The following SNCAIP variants were observed in gnomAD, a reference collection of about 807,000 sequenced individuals.
SNCAIP encodes synuclein alpha interacting protein.
SNCAIP carries 43 observed loss-of-function variants against 86.7 expected under a neutral mutation model. The ratio of observed to expected loss-of-function variants is 0.50; its 90% CI spans 0.39 to 0.64. SNCAIP has a LOEUF of 0.64. Among genes scored for constraint, SNCAIP ranks in the 30% least tolerant of loss-of-function variants. The pLI, the probability that SNCAIP is intolerant of heterozygous loss-of-function variation, is 0.00. For missense variants in SNCAIP, 981 were observed against 1,103.1 expected, an observed-to-expected ratio of 0.89 and a Z score of 1.57; for synonymous variants, 417 against 427.2, an observed-to-expected ratio of 0.98 and a Z score of 0.29.
rs563102808 is a variant in SNCAIP, at chr5:122,421,981, A to G, written c.131-887A>G. Among the ~76,000 whole-genome samples the G allele has an allele frequency of 4.0e-5, 6 of 149,078 alleles. No individual in the cohort carries two copies. The East Asian group carries it at 1.0e-3, about 25-fold the overall frequency. ...TTACTCAAATGCAAACCAACACACA[A>G]TCTTTATCCAAACTTTGCACAGAAA... On this transcript the variant is annotated intron_variant, in intron 3 of 10. Transcript: ENST00000261368.
At chr5:122,318,032 C>T (rs1440759527) in intron 1 of SNCAIP, among the ~76,000 whole-genome samples, 1 of 152,018 alleles carries the variant, frequency 6.6e-6, no homozygotes, top group Non-Finnish European at 1.5e-5. Flanking sequence ...TGCTAAGAAC[C>T]ATTCCAAACC....
chr5:122,394,818 G>A (rs1027637264), intron 2 of SNCAIP, among the ~76,000 whole-genome samples: 17 of 152,146 alleles, frequency 1.1e-4, no homozygotes, highest in Middle Eastern at 3.2e-3. Context: ...TGGCCGTGCC[G>A]CACACTGAGA....
At chr5:122,414,181 T>C (rs540199412) in intron 3 of SNCAIP, among the ~76,000 whole-genome samples, 1 of 152,086 alleles carries the variant, frequency 6.6e-6, no homozygotes, top group Non-Finnish European at 1.5e-5. Flanking sequence ...AGCACTGAGA[T>C]GACAGGTCTG....
intron 2 of SNCAIP, among the ~76,000 whole-genome samples, chr5:122,394,848 A>G (rs1770250448): frequency 6.6e-6 from 1 of 152,206 alleles, no homozygotes. Context: ...TAACTAAGTT[A>G]TCTTGTTCAA....
chr5:122,443,886 T>G (rs191317007), intron 7 of SNCAIP, among the ~76,000 whole-genome samples: 1 of 152,140 alleles, frequency 6.6e-6, no homozygotes, highest in Admixed American at 6.5e-5. Flanking sequence ...CCCATACAGT[T>G]CTCTCCACCT....
chr5:122,451,210 C>G lies in SNCAIP; in HGVS notation c.2363C>G (p.Ala788Gly). 6.2e-7 allele frequency: 1 copy of G among 1,614,140 alleles called. No homozygotes were observed. Among genetic ancestry groups the G allele is most frequent in the Non-Finnish European group, 8.5e-7 (1 of 1,180,018 alleles). The change falls in exon 10 of 11, where the codon GCC becomes GGC. Residue 788 changes from alanine to glycine, a missense_variant. By Grantham distance (60) the Ala-to-Gly change is moderately conservative. Transcript: ENST00000261368. ...CAGCCCAGCCCTGACAGTACTGCTG[C>G]CCAGAAAGTTGCCACAAGTCCCAAG... ...PQQPSPDSTA[A>G]QKVATSPKSA... is the part of the protein sequence containing the mutation.
chr5:122,398,018 A>G (rs1770984370), intron 2 of SNCAIP, among the ~76,000 whole-genome samples: 1 of 152,162 alleles, frequency 6.6e-6, no homozygotes, highest in African/African-American at 2.4e-5. Flanking sequence ...CCTAGTAAGC[A>G]CAGTATCTAT....
chr5:122,415,008 A>G (rs187046877), intron 3 of SNCAIP, among the ~76,000 whole-genome samples: 9 of 152,392 alleles, frequency 5.9e-5, no homozygotes, highest in Non-Finnish European at 1.3e-4. Flanking sequence ...AGGACATTTT[A>G]GGAAAATTCC....
intron 10 of SNCAIP, among the ~76,000 whole-genome samples, chr5:122,455,370 G>A (rs146039487): frequency 1.3e-5 from 2 of 152,308 alleles, no homozygotes; most frequent in Non-Finnish European, 2.9e-5. Flanking sequence ...ACCTAGGCTT[G>A]CCTAATTTTG....
At position 122,440,051 on chromosome 5, in the gene SNCAIP, C is replaced by T. The variant is rs1480243569; in HGVS notation, c.1297-578C>T. Among the ~76,000 whole-genome samples the T allele has an allele frequency of 4.6e-5, 7 of 152,258 alleles. No individual in the cohort carries two copies. In the East Asian group the frequency reaches 9.7e-4, roughly 21 times the overall value. On this transcript the variant is annotated intron_variant, in intron 6 of 10. Coordinates refer to ENST00000261368, the MANE Select transcript of SNCAIP (RefSeq NM_005460.4). Reference sequence around the variant, plus strand: ...CACTTGGTCAGAAAATCAAGAGGGTCCTGGTTTTATTTCAATGAACTTATC... The same window carrying T: ...CACTTGGTCAGAAAATCAAGAGGGTTCTGGTTTTATTTCAATGAACTTATC...
At chr5:122,377,682 C>T (rs1765655633) in intron 1 of SNCAIP, among the ~76,000 whole-genome samples, 1 of 119,798 alleles carries the variant, frequency 8.3e-6, no homozygotes, top group South Asian at 3.5e-4. Context: ...AATGCTATCC[C>T]TCCCCCCTCC....
intron 1 of SNCAIP, among the ~76,000 whole-genome samples, chr5:122,377,736 G>A (rs113611022): frequency 7.8e-6 from 1 of 128,070 alleles, no homozygotes; most frequent in African/African-American, 3.1e-5. Context: ...TCCCCTTCCT[G>A]TGCCCATGTG....
At chr5:122,405,885 G>A (rs1581041119) in intron 3 of SNCAIP, among the ~76,000 whole-genome samples, 1 of 152,144 alleles carries the variant, frequency 6.6e-6, no homozygotes, top group Non-Finnish European at 1.5e-5. Flanking sequence ...TTCTTCCGTG[G>A]TTGAGGAGGA....
At chr5:122,311,668 A>AG (rs1750597803), upstream of SNCAIP, 1 of 119,422 alleles carries the variant, frequency 8.4e-6, no homozygotes, top group African/African-American at 3.1e-5. Context: ...GAAGCAAGGA[A>AG]GGGGGTGGGG....
chr5:122,389,270 C>A (rs1330520290), intron 1 of SNCAIP: 1 of 152,160 alleles, frequency 6.6e-6, no homozygotes, highest in African/African-American at 2.4e-5. Flanking sequence ...GCTTCATCTC[C>A]CCATATTTCC....
intron 3 of SNCAIP, among the ~76,000 whole-genome samples, chr5:122,408,642 G>T (rs1386741406): frequency 6.6e-6 from 1 of 152,184 alleles, no homozygotes; most frequent in African/African-American, 2.4e-5. Flanking sequence ...ATTTTTGTGA[G>T]AAAAGTGGTC....
At chr5:122,396,662 A>G (rs1210188148) in intron 2 of SNCAIP, among the ~76,000 whole-genome samples, 1 of 152,170 alleles carries the variant, frequency 6.6e-6, no homozygotes, top group Non-Finnish European at 1.5e-5. Flanking sequence ...CTATGCTCTC[A>G]AAGTGTGTAT....
At chr5:122,435,681 G>GA (rs1249754892) in intron 6 of SNCAIP, among the ~76,000 whole-genome samples, 6 of 151,834 alleles carry the variant, frequency 4.0e-5, no homozygotes, top group African/African-American at 1.5e-4. Flanking sequence ...GGCACTTTTT[G>GA]AAAAAAGAAA....
At chr5:122,341,783 G>C (rs1757648800) in intron 1 of SNCAIP, among the ~76,000 whole-genome samples, 1 of 152,046 alleles carries the variant, frequency 6.6e-6, no homozygotes, top group Non-Finnish European at 1.5e-5. Context: ...TCCACCCCTA[G>C]TACCCTGCAA....
Sources: allele counts gnomAD v4.1 joint callset (sites outside exome capture counted in the v4.1 genomes callset), GRCh38; gene constraint gnomAD v4.1.1; transcripts MANE v1.5; gene names NCBI Gene and HGNC (gene_info 2026-07-23, HGNC 2026-07-21).